Variants in ZC3H11B observed in about 807,000 individuals in gnomAD.
ZC3H11B encodes zinc finger CCCH-type containing 11B.
In ZC3H11B, 3 loss-of-function variants were observed where a neutral mutation model predicts 34.0. That is an observed-to-expected ratio of 0.09 (90% CI 0.04 to 0.23). The LOEUF (loss-of-function observed/expected upper bound fraction) is 0.23. Among genes scored for constraint, ZC3H11B ranks in the 10% least tolerant of loss-of-function variants. The probability of loss-of-function intolerance (pLI) is 1.00; values close to 1 mark genes in which losing one functional copy is unlikely to be tolerated. For synonymous variants in ZC3H11B, 33 were observed against 250.1 expected (o/e 0.13, Z 8.19); for missense variants, 99 against 660.1 (o/e 0.15, Z 9.31).
At chr1:219,611,559 ATCATCATCATCT>A in exon 2 of ZC3H11B, 1 of 1,194,992 alleles carries the variant, frequency 8.4e-7, no homozygotes, top group Non-Finnish European at 1.2e-6. Flanking sequence ...CAGAAAACTG[ATCATCATCATCT>A]TCATCATCAT....
chr1:219,608,528 A>G (rs1424371345), exon 2 of ZC3H11B: 2 of 152,074 alleles, frequency 1.3e-5, no homozygotes, highest in African/African-American at 4.9e-5. Context: ...TTCCTTCACA[A>G]ATCTAAACCT....
exon 2 of ZC3H11B, chr1:219,608,316 G>C (rs1470486709): frequency 1.3e-5 from 2 of 152,580 alleles, no homozygotes; most frequent in Non-Finnish European, 2.9e-5. Flanking sequence ...TCCCAACAAG[G>C]CTACTTGAAG....
exon 2 of ZC3H11B, chr1:219,608,234 T>G (rs1667947008): frequency 6.6e-6 from 1 of 152,616 alleles, no homozygotes; most frequent in African/African-American, 2.4e-5. Context: ...GAGTCATTTT[T>G]GCTTGTGCAG....
chr1:219,611,928 A>AG lies in ZC3H11B; in HGVS notation c.134_135insC (p.Arg47SerfsTer12). ...GCCGAAACCTGCACACCCGTCGAAA[A>AG]CAGCGCCCTTCTTGCCATAATGTGC... On this transcript the variant is annotated frameshift_variant, in exon 2 of 2. Transcript: ENST00000651890. LOFTEE classifies it high-confidence loss of function. 2 of 829,768 alleles carry AG rather than the reference A, an allele frequency of 2.4e-6. No individual in the cohort carries two copies. Among genetic ancestry groups the AG allele is most frequent in the Non-Finnish European group, 3.9e-6 (2 of 510,580 alleles). 51.4% of individuals were successfully genotyped at this position (829,768 alleles called of 1,614,324 possible).
At chr1:219,609,954 A>T in exon 2 of ZC3H11B, 2 of 1,556,466 alleles carry the variant, frequency 1.3e-6, no homozygotes. Context: ...GGACAACAGC[A>T]TCCACAGCTG....
At chr1:219,613,098 C>G (rs1033987312) in exon 1 of ZC3H11B, 1 of 216,034 alleles carries the variant, frequency 4.6e-6, no homozygotes, top group African/African-American at 2.3e-5. Flanking sequence ...TAGCAGAAAA[C>G]CAAGACTGCC....
chr1:219,611,782 A>C, exon 2 of ZC3H11B: 1 of 1,269,290 alleles, frequency 7.9e-7, no homozygotes, highest in Non-Finnish European at 1.1e-6. Flanking sequence ...CGGAGGTAGG[A>C]AAAGGCCATC....
chr1:219,608,882 C>T (rs1667958169), exon 2 of ZC3H11B: 1 of 152,622 alleles, frequency 6.6e-6, no homozygotes, highest in African/African-American at 2.4e-5. Flanking sequence ...AAGAATTCCT[C>T]TAATCATGTC....
exon 2 of ZC3H11B, chr1:219,612,280 C>T (rs1668012930): frequency 5.9e-6 from 3 of 505,256 alleles, no homozygotes; most frequent in Admixed American, 3.5e-5. Flanking sequence ...GTAGGTCGAA[C>T]CAACACTCAA....
exon 2 of ZC3H11B, among the ~76,000 whole-genome samples, chr1:219,608,132 G>A (rs1250818670): frequency 6.6e-6 from 1 of 152,036 alleles, no homozygotes; most frequent in Non-Finnish European, 1.5e-5. Context: ...GGTGAAACCT[G>A]AACATTCTAC....
chr1:219,610,453 A>C, exon 2 of ZC3H11B: 1 of 713,726 alleles, frequency 1.4e-6, no homozygotes, highest in Non-Finnish European at 2.6e-6. Flanking sequence ...TGTAGCTTCC[A>C]TTCTAACACG....
At chr1:219,608,302 A>C (rs1572431501) in exon 2 of ZC3H11B, 1 of 152,624 alleles carries the variant, frequency 6.6e-6, no homozygotes, top group African/African-American at 2.4e-5. Flanking sequence ...TTCCTTTTCC[A>C]TATTCCCAAC....
At chr1:219,612,859 T>C in intron 1 of ZC3H11B, 72 bp downstream of exon 1, 1 of 300,980 alleles carries the variant, frequency 3.3e-6, no homozygotes. Flanking sequence ...GAAGTGTCCC[T>C]GTTGCTCTTG....
Position 219,612,875 on chromosome 1 carries a change from C to CA in ZC3H11B, c.-502+55dup. ...AAGTGTCCCTGTTGCTCTTGACTCC[C>CA]ATGCTGAGGGCCAGGGGTGGGAGTG... is the stretch of plus-strand genomic sequence containing the variant. On this transcript the variant is annotated intron_variant, in intron 1 of 1. Coordinates refer to ENST00000651890, the Ensembl canonical transcript of ZC3H11B. The CA allele has an allele frequency of 6.9e-6, 2 of 291,916 alleles. 1 individual carries two copies. The highest frequency in any genetic ancestry group is 3.8e-4 in the South Asian group (2 of 5,256). The allele number at this position is 291,916 out of a possible 1,614,324, so 18.1% of individuals were successfully genotyped here.
chr1:219,611,952 GCAAA>G lies in ZC3H11B; in HGVS notation c.107_110del (p.Val36AlafsTer42). ...AACAGCGCCCTTCTTGCCATAATGT[GCAAA>G]CAGTTTCATTGCCTAGTGCAGCTTC... On this transcript the variant is annotated frameshift_variant, in exon 2 of 2. Transcript: ENST00000651890. LOFTEE classifies it high-confidence loss of function. 1.3e-6 allele frequency: 1 copy of G among 782,598 alleles called. No homozygotes were observed. Among genetic ancestry groups the G allele is most frequent in the Non-Finnish European group, 2.1e-6 (1 of 469,496 alleles). The allele number at this position is 782,598 out of a possible 1,614,324, so 48.5% of individuals were successfully genotyped here. A position where few individuals can be genotyped will look rare whatever the true frequency, so the allele number is the denominator to read the frequency against.
At chr1:219,608,442 G>C (rs1667949180) in exon 2 of ZC3H11B, 1 of 151,912 alleles carries the variant, frequency 6.6e-6, no homozygotes, top group South Asian at 2.1e-4. Context: ...ATCAAAATGA[G>C]TAAGTCCTGC....
chr1:219,608,579 C>T (rs2653999), exon 2 of ZC3H11B: 75,393 of 150,092 alleles, frequency 0.5, 19,407 homozygotes, highest in East Asian at 0.65. Flanking sequence ...AAGAGAAAAC[C>T]CAATTCAGAA....
rs539038373 is a variant in ZC3H11B at position 219,612,376 on chromosome 1, T to C, written c.-314A>G. 3.4e-5 allele frequency: 11 copies of C among 319,674 alleles called. No homozygotes were observed. The highest frequency in any genetic ancestry group is 2.5e-4 in the African/African-American group (8 of 31,984). The allele number at this position is 319,674 out of a possible 1,614,324, so 19.8% of individuals were successfully genotyped here. On this transcript the variant is annotated 5_prime_UTR_variant, in exon 2 of 2. The change abolishes an upstream ATG in the 5' untranslated region. Coordinates refer to ENST00000651890, the Ensembl canonical transcript of ZC3H11B. ...TCTCAGCCACAATTCAAACACAGCA[T>C]GTGTTTTTAAAACATCTCCCAACTA...
chr1:219,608,800 G>C (rs1270639193), exon 2 of ZC3H11B: 1 of 152,620 alleles, frequency 6.6e-6, no homozygotes, highest in Non-Finnish European at 1.5e-5. Context: ...ACCAAATTTT[G>C]TCCCTGTGTT....
Sources: allele counts gnomAD v4.1 joint callset (sites outside exome capture counted in the v4.1 genomes callset), GRCh38; gene constraint gnomAD v4.1.1; transcripts MANE v1.5; gene names NCBI Gene and HGNC (gene_info 2026-07-23, HGNC 2026-07-21).